PTPN14: variants seen among roughly 807,000 people sequenced by gnomAD.
PTPN14 encodes the protein tyrosine-protein phosphatase non-receptor type 14.
A neutral mutation model predicts 126.8 loss-of-function variants in PTPN14; 53 were observed. The observed-to-expected ratio is 0.42, with a 90% confidence interval of 0.34 to 0.53. The LOEUF is 0.53. Among genes scored for constraint, PTPN14 ranks in the 20% least tolerant of loss-of-function variants. The pLI, the probability that PTPN14 is intolerant of heterozygous loss-of-function variation, is 0.08. For synonymous variants in PTPN14, 630 were observed against 599.3 expected, an observed-to-expected ratio of 1.05 and a Z score of -0.75; for missense variants, 1,257 against 1,552.9, an observed-to-expected ratio of 0.81 and a Z score of 3.20.
chr1:214,384,397 G>T lies in PTPN14; in HGVS notation c.1458C>A (p.Ser486Arg). The T allele has an allele frequency of 6.2e-7, 1 of 1,614,136 alleles. No individual in the cohort carries two copies. Reference sequence around the variant, plus strand: ...GGTGCCTCTCCCGCATCTCCGGTTGGCTGTACACCAGATCCTCTGGCTGGT... The same window carrying T: ...GGTGCCTCTCCCGCATCTCCGGTTGTCTGTACACCAGATCCTCTGGCTGGT... ...AYNQPEDLVYSQPEMRERHPY... is the reference protein window; with the variant it reads ...AYNQPEDLVYRQPEMRERHPY... Residue 486 changes from serine (S) to arginine (R), a missense_variant, in exon 13 of 19, where the codon AGC becomes AGA. By Grantham distance (110) the Ser-to-Arg change is moderately radical (BLOSUM62 -1). Transcript: ENST00000366956. The surrounding 1 kb of genome is among the most constrained non-coding windows in gnomAD (Gnocchi z 5.3).
intron 3 of PTPN14, among the ~76,000 whole-genome samples, chr1:214,418,155 CA>C (rs1558093515): frequency 2.0e-5 from 3 of 152,324 alleles, no homozygotes; most frequent in African/African-American, 7.2e-5. Flanking sequence ...ACCGGTTCTC[CA>C]CCTCTGCTTC....
intron 1 of PTPN14, among the ~76,000 whole-genome samples, chr1:214,535,210 G>A (rs1242862742): frequency 7.2e-5 from 11 of 151,760 alleles, no homozygotes; most frequent in Non-Finnish European, 1.0e-4. Flanking sequence ...CATCTATATC[G>A]CCACATCTTT....
At position 214,351,219 on chromosome 1, in the gene PTPN14, C is replaced by T. The variant is rs981196868; in HGVS notation, c.*6703G>A. On this transcript the variant is annotated 3_prime_UTR_variant, in exon 19 of 19. Coordinates refer to ENST00000366956, the MANE Select transcript of PTPN14 (RefSeq NM_005401.5). ...AATTAGCCGGGTGTGGTGGTGCACGCCTATAATCCCAGCTACTTTGGAGGC... is the reference window on the plus strand; with the variant it reads ...AATTAGCCGGGTGTGGTGGTGCACGTCTATAATCCCAGCTACTTTGGAGGC... 6.6e-6 allele frequency: 1 copy of T among 150,722 alleles called. No individual in the cohort carries two copies. The highest frequency in any genetic ancestry group is 2.4e-5 in the African/African-American group (1 of 40,978). The allele number at this position is 150,722 out of a possible 1,614,324, so 9.3% of individuals were successfully genotyped here.
At chr1:214,496,841 A>C (rs919141440) in intron 1 of PTPN14, among the ~76,000 whole-genome samples, 18 of 151,776 alleles carry the variant, frequency 1.2e-4, no homozygotes, top group Admixed American at 4.6e-4. Flanking sequence ...AAAATATATC[A>C]ATTTTCATGA....
intron 18 of PTPN14, among the ~76,000 whole-genome samples, chr1:214,359,582 C>A (rs888598920): frequency 6.6e-6 from 1 of 151,872 alleles, no homozygotes; most frequent in Non-Finnish European, 1.5e-5. Flanking sequence ...TGCAGTGGTG[C>A]GATCATAACT....
chr1:214,386,954 G>A (rs377654964), intron 11 of PTPN14, 32 bp from the exon 12 acceptor site: 9 of 1,533,944 alleles, frequency 5.9e-6, no homozygotes, highest in Non-Finnish European at 8.1e-6. Flanking sequence ...AGGTGGGGAG[G>A]CCTGGGCAGA....
At chr1:214,525,682 A>C (rs2102462671) in intron 1 of PTPN14, among the ~76,000 whole-genome samples, 1 of 152,290 alleles carries the variant, frequency 6.6e-6, no homozygotes, top group South Asian at 2.1e-4. Flanking sequence ...GAAGCTTAGG[A>C]ATCATATTCT....
intron 3 of PTPN14, among the ~76,000 whole-genome samples, chr1:214,442,001 G>A (rs113048998): frequency 1.9e-4 from 29 of 152,160 alleles, no homozygotes; most frequent in African/African-American, 7.0e-4. Context: ...GAAAATCAAG[G>A]AATTCACAAA....
At chr1:214,366,490 T>C (rs1658083927) in intron 17 of PTPN14, among the ~76,000 whole-genome samples, 2 of 152,210 alleles carry the variant, frequency 1.3e-5, no homozygotes, top group South Asian at 4.1e-4. Context: ...GTTTCCTCTA[T>C]CAGTCATACT....
Position 214,485,756 on chromosome 1 carries a change from C to T in PTPN14, c.-154-20799G>A, listed in dbSNP as rs1294577292. ...TTTTTTTTTTTTTGAGACGGAGTCTCGCTCTGTCGCCCAGGCCAGAGTGCA... is the reference window on the plus strand; with the variant it reads ...TTTTTTTTTTTTTGAGACGGAGTCTTGCTCTGTCGCCCAGGCCAGAGTGCA... On this transcript the variant is annotated intron_variant, in intron 1 of 18. Coordinates refer to ENST00000366956, the MANE Select transcript of PTPN14 (RefSeq NM_005401.5). 4.0e-5 allele frequency among the ~76,000 whole-genome samples: 6 copies of T among 151,642 alleles called. No individual in the cohort carries two copies. The South Asian group carries it at 8.3e-4, about 21-fold the overall frequency.
rs758049254 is a variant in PTPN14 at position 214,355,465 on chromosome 1, T to C, written c.*2457A>G. The C allele has an allele frequency of 1.3e-5, 2 of 152,248 alleles. No individual in the cohort carries two copies. The highest frequency in any genetic ancestry group is 2.9e-5 in the Non-Finnish European group (2 of 68,042). 9.4% of individuals were successfully genotyped at this position (152,248 alleles called of 1,614,324 possible). On this transcript the variant is annotated 3_prime_UTR_variant, in exon 19 of 19. Transcript: ENST00000366956. The stretch of plus-strand genomic sequence containing the variant: ...AACCTCCAAGGAAAGGAAACAAGTA[T>C]CTTTTTGCTTATTGATGAGCTTCTT...
chr1:214,472,094 G>A (rs1660772396), intron 1 of PTPN14, among the ~76,000 whole-genome samples: 1 of 152,152 alleles, frequency 6.6e-6, no homozygotes, highest in Non-Finnish European at 1.5e-5. Flanking sequence ...ATAACATGGA[G>A]CTTTATACAT....
intron 5 of PTPN14, among the ~76,000 whole-genome samples, chr1:214,410,211 C>G (rs973369498): frequency 2.0e-5 from 3 of 151,702 alleles, no homozygotes; most frequent in Non-Finnish European, 4.4e-5. Flanking sequence ...CAAGAAATCG[C>G]TGCCCAGACC....
At chr1:214,370,643 A>G (rs1343413848) in intron 16 of PTPN14, among the ~76,000 whole-genome samples, 1 of 152,150 alleles carries the variant, frequency 6.6e-6, no homozygotes, top group Non-Finnish European at 1.5e-5. Context: ...TTACATCACC[A>G]TTCTTTCTCC....
chr1:214,358,078 T>A, intron 18 of PTPN14, 28 bp from the exon 19 acceptor site: 1 of 1,609,772 alleles, frequency 6.2e-7, no homozygotes, highest in Non-Finnish European at 8.5e-7. Context: ...AAGCACAAGG[T>A]CCTGAGACAG....
chr1:214,367,693 G>A (rs964142750), intron 17 of PTPN14, among the ~76,000 whole-genome samples: 1 of 152,104 alleles, frequency 6.6e-6, no homozygotes, highest in Non-Finnish European at 1.5e-5. Flanking sequence ...TAAAGAACGG[G>A]GTCTCCTGAC....
intron 3 of PTPN14, among the ~76,000 whole-genome samples, chr1:214,433,922 CCACACA>C (rs1186419218): frequency 1.9e-4 from 24 of 123,822 alleles, no homozygotes; most frequent in African/African-American, 7.7e-4. Flanking sequence ...GACATTATTT[CCACACA>C]CACACACACA....
intron 5 of PTPN14, among the ~76,000 whole-genome samples, chr1:214,405,641 C>T (rs1022187205): frequency 6.6e-6 from 1 of 151,346 alleles, no homozygotes; most frequent in African/African-American, 2.4e-5. Flanking sequence ...GTGATGTTAC[C>T]TGGAAAACAC....
intron 1 of PTPN14, among the ~76,000 whole-genome samples, chr1:214,548,693 G>A (rs192985319): frequency 4.1e-4 from 63 of 152,138 alleles, no homozygotes; most frequent in Admixed American, 3.5e-3. Context: ...TTGCTTCCCC[G>A]GAGCAAATTT....
Sources: gnomAD v4.1 joint callset for allele counts (sites outside exome capture counted in the v4.1 genomes callset) on GRCh38, gnomAD v4.1.1 for gene constraint, Gnocchi (gnomAD v3.1) non-coding constraint, MANE v1.5 for transcripts, NCBI Gene and HGNC (gene_info 2026-07-23, HGNC 2026-07-21) for gene names.